The following RBFOX1 variants were observed in gnomAD, a reference collection of about 807,000 sequenced individuals.
RBFOX1 encodes RNA binding protein fox-1 homolog 1.
In RBFOX1, 8 loss-of-function variants were observed where a neutral mutation model predicts 57.7. The observed-to-expected ratio is 0.14, with a 90% CI of 0.08 to 0.25. RBFOX1 has a LOEUF of 0.25. Among genes scored for constraint, RBFOX1 ranks in the 10% least tolerant of loss-of-function variants. The pLI is 1.00. For synonymous variants in RBFOX1, 326 were observed against 222.4 expected, an observed-to-expected ratio of 1.47 and a Z score of -4.15; for missense variants, 611 against 548.5, an observed-to-expected ratio of 1.11 and a Z score of -1.14.
At position 6,684,180 on chromosome 16, in the gene RBFOX1, C is replaced by T. The variant is rs531211297; in HGVS notation, c.-16+29530C>T. Among the ~76,000 whole-genome samples, 28 of 152,230 alleles carry T rather than the reference C, an allele frequency of 1.8e-4. No individual in the cohort carries two copies. The South Asian group carries it at 5.4e-3, about 29-fold the overall frequency. On this transcript the variant is annotated intron_variant, in intron 3 of 15. Coordinates refer to ENST00000550418, the MANE Select transcript of RBFOX1 (RefSeq NM_018723.4). ...CGACTTTAGGATCTGATGTTAAACG[C>T]AAGGATGTACGCAAATGTTTATTAG... is the stretch of plus-strand genomic sequence containing the variant.
At chr16:6,903,780 A>G (rs1374010046) in intron 3 of RBFOX1, among the ~76,000 whole-genome samples, 1 of 152,124 alleles carries the variant, frequency 6.6e-6, no homozygotes, top group African/African-American at 2.4e-5. Context: ...GGCCTTTCGG[A>G]GCTGCCGCTG....
At chr16:6,623,384 T>A (rs2098261146) in intron 2 of RBFOX1, among the ~76,000 whole-genome samples, 2 of 151,960 alleles carry the variant, frequency 1.3e-5, no homozygotes, top group Admixed American at 1.3e-4. Flanking sequence ...GTGTTCTGAT[T>A]GTCACTTTCA....
At chr16:5,816,228 G>T (rs2055629849) in intron 3 of RBFOX1, among the ~76,000 whole-genome samples, 1 of 152,164 alleles carries the variant, frequency 6.6e-6, no homozygotes, top group South Asian at 2.1e-4. Context: ...GATTTCAGAA[G>T]CAGGCGGAAT....
intron 2 of RBFOX1, among the ~76,000 whole-genome samples, chr16:6,389,883 G>T (rs2092507413): frequency 1.3e-5 from 2 of 152,168 alleles, no homozygotes; most frequent in African/African-American, 4.8e-5. Context: ...ACCTCTTTGA[G>T]CTACTTATGT....
intron 2 of RBFOX1, among the ~76,000 whole-genome samples, chr16:5,475,282 C>T (rs1300291132): frequency 6.6e-6 from 1 of 152,206 alleles, no homozygotes; most frequent in African/African-American, 2.4e-5. Context: ...TTGCTTTTAT[C>T]TTACCTGCTG....
At chr16:7,326,019 G>A (rs2096606934) in intron 4 of RBFOX1, among the ~76,000 whole-genome samples, 1 of 152,154 alleles carries the variant, frequency 6.6e-6, no homozygotes, top group Non-Finnish European at 1.5e-5. Flanking sequence ...TTACAGGCAT[G>A]TAGGGAAACC....
At chr16:6,005,200 A>T (rs2060671419) in intron 4 of RBFOX1, among the ~76,000 whole-genome samples, 1 of 152,176 alleles carries the variant, frequency 6.6e-6, no homozygotes, top group South Asian at 2.1e-4. Context: ...ATTTCGTTCA[A>T]ATGTATTCGT....
intron 4 of RBFOX1, among the ~76,000 whole-genome samples, chr16:7,196,439 C>G (rs1055002785): frequency 6.6e-6 from 1 of 152,182 alleles, no homozygotes; most frequent in African/African-American, 2.4e-5. Context: ...TCATTCAGAC[C>G]ATTGCCAACA....
intron 3 of RBFOX1, among the ~76,000 whole-genome samples, chr16:5,613,882 A>C: frequency 6.9e-6 from 1 of 145,432 alleles, no homozygotes; most frequent in Admixed American, 6.9e-5. Flanking sequence ...TTCTTCTCTG[A>C]CTCCTTCATC....
chr16:7,559,986 T>C (rs2152664645), intron 5 of RBFOX1, among the ~76,000 whole-genome samples: 1 of 152,330 alleles, frequency 6.6e-6, no homozygotes, highest in Middle Eastern at 3.4e-3. Context: ...GAATGGATCC[T>C]ATTTGTCACC....
chr16:6,702,934 C>T (rs2062083239), intron 3 of RBFOX1, among the ~76,000 whole-genome samples: 1 of 152,174 alleles, frequency 6.6e-6, no homozygotes, highest in Admixed American at 6.5e-5. Flanking sequence ...TTCTCATGTC[C>T]TCCCAGCCTC....
chr16:6,730,865 C>A (rs2068391403), intron 3 of RBFOX1, among the ~76,000 whole-genome samples: 1 of 152,098 alleles, frequency 6.6e-6, no homozygotes, highest in Admixed American at 6.6e-5. Flanking sequence ...ATTCCCAGAC[C>A]CCACCCTGCT....
intron 3 of RBFOX1, among the ~76,000 whole-genome samples, chr16:7,023,082 C>A (rs2039787140): frequency 6.6e-6 from 1 of 151,926 alleles, no homozygotes; most frequent in Non-Finnish European, 1.5e-5. Flanking sequence ...TGCAAAAAGC[C>A]CAGCCAGTGC....
At chr16:5,962,303 C>T (rs554146140) in intron 4 of RBFOX1, among the ~76,000 whole-genome samples, 1 of 152,302 alleles carries the variant, frequency 6.6e-6, no homozygotes, top group South Asian at 2.1e-4. Flanking sequence ...TCAGTCTCTC[C>T]CTGTTCTCAT....
chr16:7,372,796 G>T (rs2097592752), intron 4 of RBFOX1, among the ~76,000 whole-genome samples: 2 of 151,832 alleles, frequency 1.3e-5, no homozygotes, highest in Non-Finnish European at 2.9e-5. Context: ...AGGAAGAGAA[G>T]GAGGAAAAGA....
chr16:6,858,645 A>G (rs1360579742), intron 3 of RBFOX1, among the ~76,000 whole-genome samples: 1 of 152,198 alleles, frequency 6.6e-6, no homozygotes, highest in Non-Finnish European at 1.5e-5. Flanking sequence ...TATATGAGAC[A>G]TATCACTAAT....
At chr16:6,072,709 A>G (rs372677085) in intron 1 of RBFOX1, among the ~76,000 whole-genome samples, 1 of 151,092 alleles carries the variant, frequency 6.6e-6, no homozygotes, top group Non-Finnish European at 1.5e-5. Context: ...GCATTTCCCT[A>G]TGTTTAGTGA....
rs145038092 is a variant in RBFOX1 at position 6,945,805 on chromosome 16, C to T, written c.-15-106252C>T. On this transcript the variant is annotated intron_variant, in intron 3 of 15. Coordinates refer to ENST00000550418, the MANE Select transcript of RBFOX1 (RefSeq NM_018723.4). ...ACTTCGGAGGCCGAGACGGGAGAAT[C>T]GCCTGAACCCAGGAGGCGGAGGTTG... Among the ~76,000 whole-genome samples the T allele has an allele frequency of 7.6e-4, 116 of 152,290 alleles. No individual in the cohort carries two copies. In the Middle Eastern group the frequency reaches 0.01, roughly 13 times the overall value.
At chr16:6,250,432 C>A (rs1295876233) in intron 1 of RBFOX1, among the ~76,000 whole-genome samples, 1 of 152,120 alleles carries the variant, frequency 6.6e-6, no homozygotes, top group African/African-American at 2.4e-5. Context: ...TCTAGATTAT[C>A]TTTATGTCAA....
Sources: gnomAD v4.1 joint callset for allele counts (sites outside exome capture counted in the v4.1 genomes callset) on GRCh38, gnomAD v4.1.1 for gene constraint, MANE v1.5 for transcripts, NCBI Gene and HGNC (gene_info 2026-07-23, HGNC 2026-07-21) for gene names.